Variants in AVL9 observed in about 807,000 individuals in gnomAD.
The protein encoded by AVL9 is late secretory pathway protein AVL9 homolog.
AVL9 carries 49 observed loss-of-function variants against 79.2 expected under a neutral mutation model. The observed-to-expected ratio is 0.62, with a 90% CI of 0.49 to 0.79. The LOEUF (loss-of-function observed/expected upper bound fraction) is 0.79, where lower values mean the gene tolerates loss of function less well. AVL9 is among the 30% of genes least tolerant of loss of function. AVL9 has a pLI of 0.00. For missense variants in AVL9, 682 were observed against 776.8 expected, an observed-to-expected ratio of 0.88 and a Z score of 1.45; for synonymous variants, 299 against 280.6, an observed-to-expected ratio of 1.07 and a Z score of -0.65.
intron 8 of AVL9, among the ~76,000 whole-genome samples, chr7:32,557,647 G>C (rs570194078): frequency 7.9e-5 from 12 of 152,264 alleles, no homozygotes; most frequent in African/African-American, 2.2e-4. Context: ...GTAGTTAGTA[G>C]TATTGGTGAT....
intron 8 of AVL9, among the ~76,000 whole-genome samples, chr7:32,557,260 G>A (rs1269378498): frequency 7.3e-5 from 11 of 151,426 alleles, no homozygotes; most frequent in Non-Finnish European, 1.2e-4. Context: ...GCTGTGTTGC[G>A]CAGGCTGGTC....
intron 1 of AVL9, among the ~76,000 whole-genome samples, chr7:32,530,857 G>A (rs1446782467): frequency 6.6e-6 from 1 of 152,076 alleles, no homozygotes. Context: ...TCAGGAGGCT[G>A]AGCCATGAAA....
intron 13 of AVL9, among the ~76,000 whole-genome samples, chr7:32,578,724 G>A (rs1188121723): frequency 2.6e-5 from 4 of 152,084 alleles, no homozygotes; most frequent in African/African-American, 7.2e-5. Flanking sequence ...CAGGAGAATC[G>A]CTTGAACCTG....
chr7:32,541,493 A>C (rs1338235020), intron 1 of AVL9, among the ~76,000 whole-genome samples: 1 of 152,034 alleles, frequency 6.6e-6, no homozygotes, highest in Non-Finnish European at 1.5e-5. Context: ...TTTTGGTGTT[A>C]AAAAATAATT....
chr7:32,526,366 C>A (rs1442207611), intron 1 of AVL9, among the ~76,000 whole-genome samples: 1 of 152,156 alleles, frequency 6.6e-6, no homozygotes, highest in Non-Finnish European at 1.5e-5. Context: ...GGCTCCAGTT[C>A]ATAACCACTT....
intron 10 of AVL9, among the ~76,000 whole-genome samples, chr7:32,560,728 A>G (rs1257759328): frequency 6.6e-6 from 1 of 152,212 alleles, no homozygotes; most frequent in African/African-American, 2.4e-5. Context: ...CTTTCAATTT[A>G]CTTTGCCCAG....
chr7:32,583,956 G>C lies in AVL9; in HGVS notation c.*49G>C. 1 of 1,347,854 alleles carries C rather than the reference G, an allele frequency of 7.4e-7. No individual in the cohort carries two copies. The highest frequency in any genetic ancestry group is 1.1e-6 in the Non-Finnish European group (1 of 940,042). The allele number at this position is 1,347,854 out of a possible 1,614,324, so 83.5% of individuals were successfully genotyped here. ...GCTTTCTGAGGTTTAAGTGTCCCCT[G>C]TCTGTCTGCTGCTCCCAGGCTGTTA... On this transcript the variant is annotated 3_prime_UTR_variant, in exon 16 of 16. Coordinates refer to ENST00000318709, the MANE Select transcript of AVL9 (RefSeq NM_015060.3).
chr7:32,548,543 A>G (rs1789642186), intron 3 of AVL9, among the ~76,000 whole-genome samples: 1 of 152,142 alleles, frequency 6.6e-6, no homozygotes, highest in South Asian at 2.1e-4. Context: ...ATTGATTTGC[A>G]TTGAATGGCT....
At chr7:32,521,056 A>G (rs1403301131) in intron 1 of AVL9, among the ~76,000 whole-genome samples, 2 of 151,892 alleles carry the variant, frequency 1.3e-5, no homozygotes, top group Admixed American at 6.6e-5. Flanking sequence ...GCCTCCCATC[A>G]TGATTCTGAG....
intron 1 of AVL9, among the ~76,000 whole-genome samples, chr7:32,512,687 C>G (rs1201743005): frequency 6.6e-6 from 1 of 152,212 alleles, no homozygotes; most frequent in African/African-American, 2.4e-5. Flanking sequence ...AGCTGGTACA[C>G]TCTCTGCCCA....
chr7:32,536,615 G>A (rs1379634432), intron 1 of AVL9: 2 of 151,834 alleles, frequency 1.3e-5, no homozygotes, highest in East Asian at 3.9e-4. Context: ...CAGTCATATT[G>A]TGACATTACT....
At chr7:32,533,861 A>G (rs2128129956) in intron 1 of AVL9, 1 of 152,312 alleles carries the variant, frequency 6.6e-6, no homozygotes, top group South Asian at 2.1e-4. Flanking sequence ...TGTGGCTTCT[A>G]TTTGCCGTAT....
At chr7:32,501,645 A>G (rs1417177179) in intron 1 of AVL9, among the ~76,000 whole-genome samples, 2 of 152,248 alleles carry the variant, frequency 1.3e-5, no homozygotes, top group African/African-American at 4.8e-5. Context: ...CAACTTGTGT[A>G]CTAGAACTTT....
intron 10 of AVL9, among the ~76,000 whole-genome samples, chr7:32,565,285 C>T (rs531437587): frequency 1.3e-3 from 195 of 152,288 alleles, no homozygotes; most frequent in Non-Finnish European, 2.2e-3. Context: ...TGCGACTGGG[C>T]GTGGTGGCTC....
At chr7:32,538,298 T>G (rs1789009428) in intron 1 of AVL9, 1 of 152,242 alleles carries the variant, frequency 6.6e-6, no homozygotes, top group Non-Finnish European at 1.5e-5. Context: ...CTTCAGAAGT[T>G]AAGAACTGCT....
At chr7:32,559,880 G>A (rs1445812394) in intron 10 of AVL9, 1 of 156,872 alleles carries the variant, frequency 6.4e-6, no homozygotes, top group East Asian at 1.9e-4. Context: ...TTGTTTCCAA[G>A]TGCATATAAA....
chr7:32,512,806 G>A (rs996788488), intron 1 of AVL9, among the ~76,000 whole-genome samples: 14 of 152,290 alleles, frequency 9.2e-5, no homozygotes, highest in Non-Finnish European at 7.4e-5. Flanking sequence ...CCCCTTCTAA[G>A]AGAATGAAAT....
At chr7:32,504,118 A>G (rs1172192768) in intron 1 of AVL9, among the ~76,000 whole-genome samples, 1 of 152,218 alleles carries the variant, frequency 6.6e-6, no homozygotes, top group Non-Finnish European at 1.5e-5. Flanking sequence ...TGAAATTTCA[A>G]TATTGAAATG....
rs186670250 is a variant in AVL9, at chr7:32,517,224, G to T, written c.93+21422G>T. Reference sequence around the variant, plus strand: ...GTTTTGGCCACAGGGACCAAATGTGGCTTAAACTTACAGAGTACTCATAAA... The same window carrying T: ...GTTTTGGCCACAGGGACCAAATGTGTCTTAAACTTACAGAGTACTCATAAA... On this transcript the variant is annotated intron_variant, in intron 1 of 15. Transcript: ENST00000318709. 4.3e-4 allele frequency among the ~76,000 whole-genome samples: 65 copies of T among 152,014 alleles called. 1 individual carries two copies. The highest frequency in any genetic ancestry group is 1.5e-3 in the African/African-American group (62 of 41,458).
Sources: gnomAD v4.1 joint callset for allele counts (sites outside exome capture counted in the v4.1 genomes callset) on GRCh38, gnomAD v4.1.1 for gene constraint, MANE v1.5 for transcripts, NCBI Gene and HGNC (gene_info 2026-07-23, HGNC 2026-07-21) for gene names.